The following TMED3 variants were observed in gnomAD, a reference collection of about 807,000 sequenced individuals.
The protein encoded by TMED3 is transmembrane emp24 domain-containing protein 3.
A neutral mutation model predicts 15.0 loss-of-function variants in TMED3; 9 were observed. The observed-to-expected ratio is 0.60, with a 90% confidence interval of 0.36 to 1.04. The LOEUF (loss-of-function observed/expected upper bound fraction) is 1.04. Ranked by LOEUF, TMED3 falls within the 50% of genes least tolerant of loss-of-function variation. The pLI, the probability that TMED3 is intolerant of heterozygous loss-of-function variation, is 0.01. For synonymous variants in TMED3, 117 were observed against 121.4 expected (o/e 0.96, Z 0.24); for missense variants, 267 against 278.9 (o/e 0.96, Z 0.30).
chr15:79,353,994 C>G (rs1016420321), intron 2 of TMED3, among the ~76,000 whole-genome samples: 1 of 152,112 alleles, frequency 6.6e-6, no homozygotes, highest in African/African-American at 2.4e-5. Flanking sequence ...AAAGTCAGGA[C>G]TGAAATGCAA....
At chr15:79,343,961 G>A (rs1456274048) in intron 2 of TMED3, among the ~76,000 whole-genome samples, 1 of 152,194 alleles carries the variant, frequency 6.6e-6, no homozygotes, top group Non-Finnish European at 1.5e-5. Context: ...ACAGCCATAT[G>A]AGTCTGGAAT....
At chr15:79,367,564 C>A (rs546772726) in intron 2 of TMED3, among the ~76,000 whole-genome samples, 2 of 152,162 alleles carry the variant, frequency 1.3e-5, no homozygotes, top group East Asian at 3.9e-4. Context: ...CCAGAGCGTG[C>A]AAGCTCCCTC....
intron 2 of TMED3, among the ~76,000 whole-genome samples, chr15:79,334,611 C>T (rs575253556): frequency 6.6e-6 from 1 of 152,256 alleles, no homozygotes; most frequent in East Asian, 1.9e-4. Context: ...CTCAACTTCT[C>T]CCCACACAGT....
chr15:79,388,826 C>T (rs1330985794), intron 2 of TMED3, among the ~76,000 whole-genome samples: 1 of 152,128 alleles, frequency 6.6e-6, no homozygotes, highest in Admixed American at 6.5e-5. Flanking sequence ...TTTCGATTTG[C>T]ATTTCCCTGA....
At chr15:79,405,521 C>T (rs892603390) in intron 2 of TMED3, among the ~76,000 whole-genome samples, 18 of 152,134 alleles carry the variant, frequency 1.2e-4, no homozygotes, top group African/African-American at 7.2e-5. Flanking sequence ...TTCAAAATCC[C>T]AAGAACCCTA....
At chr15:79,396,900 A>C (rs1008297939) in intron 2 of TMED3, among the ~76,000 whole-genome samples, 1 of 152,248 alleles carries the variant, frequency 6.6e-6, no homozygotes, top group African/African-American at 2.4e-5. Flanking sequence ...AAAATATATT[A>C]ACATTAATTT....
intron 2 of TMED3, among the ~76,000 whole-genome samples, chr15:79,361,835 C>T (rs1362264738): frequency 6.6e-6 from 1 of 152,054 alleles, no homozygotes; most frequent in Non-Finnish European, 1.5e-5. Flanking sequence ...TTAGAATTAA[C>T]AAGAGATTTC....
chr15:79,394,496 T>C (rs774477207), intron 2 of TMED3, among the ~76,000 whole-genome samples: 19 of 152,326 alleles, frequency 1.2e-4, no homozygotes, highest in Non-Finnish European at 2.5e-4. Context: ...TGAAGTCTAA[T>C]TGTTACTGGA....
intron 2 of TMED3, among the ~76,000 whole-genome samples, chr15:79,360,184 A>G (rs1893097557): frequency 6.6e-6 from 1 of 152,198 alleles, no homozygotes; most frequent in Non-Finnish European, 1.5e-5. Context: ...AGAGTGCAGC[A>G]GGTGCAGGAG....
intron 2 of TMED3, 104 bp downstream of exon 2, chr15:79,314,109 C>A (rs2058730436): frequency 2.0e-6 from 3 of 1,474,278 alleles, no homozygotes; most frequent in African/African-American, 2.8e-5. Flanking sequence ...ATCCAGCTCC[C>A]AGTCTGGAAG....
intron 2 of TMED3, among the ~76,000 whole-genome samples, chr15:79,388,727 C>A (rs1338495526): frequency 6.6e-6 from 1 of 152,076 alleles, no homozygotes; most frequent in Non-Finnish European, 1.5e-5. Context: ...AAAAGTGTTC[C>A]CTGATCACCA....
intron 2 of TMED3, among the ~76,000 whole-genome samples, chr15:79,331,601 C>CA (rs2058809470): frequency 7.3e-6 from 1 of 137,320 alleles, no homozygotes; most frequent in Admixed American, 7.3e-5. Context: ...GCAAAAGACA[C>CA]AGAGTGAAGA....
In TMED3 at chr15:79,356,994, A is replaced by G. The variant is rs570072917; in HGVS notation, c.417+42989A>G. Among the ~76,000 whole-genome samples, 5 of 152,194 alleles carry G rather than the reference A, an allele frequency of 3.3e-5. No individual in the cohort carries two copies. The South Asian group carries it at 8.3e-4, about 25-fold the overall frequency. The stretch of plus-strand genomic sequence containing the variant: ...GAAACAAGGGAAAGCAAACTGAAAA[A>G]CAGAATGTGTAGTATGAACCCATTT... On this transcript the variant is annotated intron_variant, in intron 2 of 2. Transcript: ENST00000424155.
At chr15:79,368,553 A>T (rs1893280560) in intron 2 of TMED3, among the ~76,000 whole-genome samples, 2 of 152,190 alleles carry the variant, frequency 1.3e-5, no homozygotes, top group South Asian at 4.1e-4. Flanking sequence ...ATTAAGGAAG[A>T]GATGTTAGAT....
intron 2 of TMED3, among the ~76,000 whole-genome samples, chr15:79,344,455 T>C (rs1355785273): frequency 1.3e-5 from 2 of 152,194 alleles, no homozygotes; most frequent in Admixed American, 1.3e-4. Flanking sequence ...AGGATTCTGG[T>C]GGCCCCAGGC....
In TMED3 at chr15:79,311,169, G is replaced by C. The variant is rs942252736; in HGVS notation, c.-81G>C. The C allele has an allele frequency of 5.5e-6, 8 of 1,466,818 alleles. No individual in the cohort carries two copies. In the African/African-American group the frequency reaches 9.9e-5, roughly 18 times the overall value. 90.9% of individuals were successfully genotyped at this position (1,466,818 alleles called of 1,614,324 possible). ...CGTCTATCCCCTTACATCCTCCTAG[G>C]ACCCGGTCGGTAGTCGTCGCCCCAG... is the stretch of plus-strand genomic sequence containing the variant. On this transcript the variant is annotated 5_prime_UTR_variant, in exon 1 of 3. Transcript: ENST00000299705.
intron 2 of TMED3, among the ~76,000 whole-genome samples, chr15:79,365,052 C>T (rs1567033463): frequency 1.3e-5 from 2 of 152,242 alleles, no homozygotes; most frequent in Non-Finnish European, 2.9e-5. Context: ...TGCATCTGTC[C>T]CTCTGCATGC....
chr15:79,340,465 C>T (rs2058847529), intron 2 of TMED3, among the ~76,000 whole-genome samples: 2 of 152,206 alleles, frequency 1.3e-5, no homozygotes, highest in South Asian at 4.1e-4. Flanking sequence ...GCCAGAATCA[C>T]CCCGCTAAAT....
At chr15:79,367,345 A>G (rs56248116) in intron 2 of TMED3, among the ~76,000 whole-genome samples, 5,052 of 152,280 alleles carry the variant, frequency 0.033, 264 homozygotes, top group African/African-American at 0.11. Flanking sequence ...CCAGCGATCC[A>G]CACTGGGTTT....
Sources: allele counts gnomAD v4.1 joint callset (sites outside exome capture counted in the v4.1 genomes callset), GRCh38; gene constraint gnomAD v4.1.1; transcripts MANE v1.5; gene names NCBI Gene and HGNC (gene_info 2026-07-23, HGNC 2026-07-21).